WRN: variants seen among roughly 807,000 people sequenced by gnomAD.
The protein encoded by WRN is bifunctional 3'-5' exonuclease/ATP-dependent helicase WRN.
Under a neutral mutation model 180.7 loss-of-function variants are expected in WRN, and 149 were observed. The ratio of observed to expected loss-of-function variants is 0.82; its 90% confidence interval spans 0.72 to 0.94. The LOEUF (loss-of-function observed/expected upper bound fraction) is 0.94. Ranked by LOEUF, WRN falls within the 40% of genes least tolerant of loss-of-function variation. The pLI is 0.00. For missense variants in WRN, 1,661 were observed against 1,700.1 expected (o/e 0.98, Z 0.40); for synonymous variants, 548 against 568.9 (o/e 0.96, Z 0.52).
intron 27 of WRN, 22 bp downstream of exon 27, chr8:31,142,723 C>A: frequency 6.4e-7 from 1 of 1,557,694 alleles, no homozygotes; most frequent in Non-Finnish European, 8.8e-7. Context: ...AGAAATTGTT[C>A]TGATTTATTT....
Position 31,120,308 on chromosome 8 carries a change from T to G in WRN, c.2514T>G (p.His838Gln). 6.2e-7 allele frequency: 1 copy of G among 1,613,108 alleles called. No individual in the cohort carries two copies. The change falls in exon 21 of 35, where the codon CAT becomes CAG. Residue 838 changes from histidine (H) to glutamine (Q), a missense_variant. Physicochemically the swap from His to Gln is conservative, Grantham distance 24. Transcript: ENST00000298139. ...INKADIRQVI[H>Q]YGAPKDMESY... Reference sequence around the variant, plus strand: ...AAGCTGACATTCGCCAAGTCATTCATTACGGTGCTCCTAAGGACATGGAAT... The same window carrying G: ...AAGCTGACATTCGCCAAGTCATTCAGTACGGTGCTCCTAAGGACATGGAAT...
rs121908446 is a variant in WRN, at chr8:31,157,461, C to T, written c.3913C>T (p.Arg1305Ter). 1.2e-5 allele frequency: 20 copies of T among 1,614,052 alleles called. No individual in the cohort carries two copies. The highest frequency in any genetic ancestry group is 1.2e-4 in the Admixed American group (7 of 60,012). The change falls in exon 33 of 35, where the codon CGA becomes TGA. Residue 1305 changes from arginine (R) to a stop codon, truncating the protein, a stop_gained. Transcript: ENST00000298139. LOFTEE classifies it high-confidence loss of function. ...AGCTGGCTGCCCCCTTGATTTGGAG[C>T]GAGCAGGCCTGACTCCAGAGGTTCA... ...VKAGCPLDLE[R>*]AGLTPEVQKI...
rs778753447 is a variant in WRN, at chr8:31,125,127, A to G, written c.2825+127A>G. The G allele has an allele frequency of 3.3e-6, 3 of 902,492 alleles. No individual in the cohort carries two copies. The South Asian group carries it at 4.7e-5, about 14-fold the overall frequency. 55.9% of individuals were successfully genotyped at this position (902,492 alleles called of 1,614,324 possible). On this transcript the variant is annotated intron_variant, in intron 23 of 34. Coordinates refer to ENST00000298139, the MANE Select transcript of WRN (RefSeq NM_000553.6). ...TAAACAAAACAATGAATGTGTTTAG[A>G]TATGAGAAAGCAAACAATATTAAAG...
chr8:31,173,237 C>T lies in WRN; in HGVS notation c.*135C>T. ...ACAAAGTTCACTGTTTATTGAAGAA[C>T]TGGCATCTTAAATCAGCCTTCCGCA... is the stretch of plus-strand genomic sequence containing the variant. On this transcript the variant is annotated 3_prime_UTR_variant, in exon 35 of 35. Transcript: ENST00000298139. 1 of 899,918 alleles carries T rather than the reference C, an allele frequency of 1.1e-6. No individual in the cohort carries two copies. The highest frequency in any genetic ancestry group is 2.7e-5 in the East Asian group (1 of 37,348). The allele number at this position is 899,918 out of a possible 1,614,324, so 55.7% of individuals were successfully genotyped here.
At chr8:31,035,778 A>G (rs771835978) in intron 1 of WRN, among the ~76,000 whole-genome samples, 3 of 152,222 alleles carry the variant, frequency 2.0e-5, no homozygotes, top group Non-Finnish European at 4.4e-5. Flanking sequence ...TCACTCATTT[A>G]AAGTGTGCAA....
At chr8:31,105,354 T>C (rs944648278) in intron 18 of WRN, among the ~76,000 whole-genome samples, 1 of 152,176 alleles carries the variant, frequency 6.6e-6, no homozygotes, top group African/African-American at 2.4e-5. Context: ...CTGTTCCTTC[T>C]CATCTCCCTG....
intron 31 of WRN, among the ~76,000 whole-genome samples, chr8:31,151,455 C>T (rs1803121734): frequency 6.6e-6 from 1 of 152,108 alleles, no homozygotes; most frequent in Admixed American, 6.5e-5. Context: ...TCTTTGGCAA[C>T]TTTGAATTTT....
At chr8:31,086,643 C>G (rs940390471) in intron 11 of WRN, among the ~76,000 whole-genome samples, 1 of 151,708 alleles carries the variant, frequency 6.6e-6, no homozygotes, top group Non-Finnish European at 1.5e-5. Flanking sequence ...CCCAGCTTTT[C>G]CAGTTAGTAT....
At chr8:31,101,110 A>G (rs1454704954) in intron 18 of WRN, among the ~76,000 whole-genome samples, 155 bp downstream of exon 18, 1 of 152,238 alleles carries the variant, frequency 6.6e-6, no homozygotes. Context: ...TAAAGTTGGT[A>G]TATAATCTAT....
chr8:31,166,395 T>G (rs1863280), intron 33 of WRN, among the ~76,000 whole-genome samples: 43,969 of 151,972 alleles, frequency 0.29, 6,497 homozygotes, highest in South Asian at 0.34. Flanking sequence ...TGTCAAGAAA[T>G]TGACACAGTC....
At chr8:31,037,010 T>TG (rs1469104683) in intron 1 of WRN, among the ~76,000 whole-genome samples, 1 of 152,206 alleles carries the variant, frequency 6.6e-6, no homozygotes, top group Non-Finnish European at 1.5e-5. Context: ...AGGGAGGGGA[T>TG]GGTTTCAGGA....
chr8:31,147,884 ATTTTTTT>A (rs367782924), intron 30 of WRN, among the ~76,000 whole-genome samples: 9 of 126,884 alleles, frequency 7.1e-5, no homozygotes, highest in Admixed American at 5.7e-4. Context: ...CTTCTTCTTC[ATTTTTTT>A]TTTTTTTTTT....
At chr8:31,073,409 T>C (rs1812981820) in intron 7 of WRN, among the ~76,000 whole-genome samples, 1 of 152,172 alleles carries the variant, frequency 6.6e-6, no homozygotes, top group Non-Finnish European at 1.5e-5. Flanking sequence ...GATCATCTGA[T>C]CAATGGAAAG....
intron 31 of WRN, among the ~76,000 whole-genome samples, chr8:31,153,363 C>G (rs1332926994): frequency 6.6e-6 from 1 of 151,918 alleles, no homozygotes; most frequent in East Asian, 1.9e-4. Context: ...GTGGGGTGAC[C>G]AGTCTGAATA....
chr8:31,124,652 T>C (rs769598699), intron 22 of WRN, 29 bp downstream of exon 22: 10 of 1,525,188 alleles, frequency 6.6e-6, no homozygotes, highest in Non-Finnish European at 9.1e-6. Context: ...ATGCCAATAG[T>C]ATGGATTTAT....
chr8:31,096,001 A>G (rs1813954498), intron 16 of WRN, among the ~76,000 whole-genome samples: 1 of 152,246 alleles, frequency 6.6e-6, no homozygotes, highest in Admixed American at 6.5e-5. Context: ...ATACCGAAGA[A>G]ACTAGGCATA....
At chr8:31,157,584 C>A in intron 33 of WRN, 54 bp downstream of exon 33, 1 of 1,602,872 alleles carries the variant, frequency 6.2e-7, no homozygotes. Context: ...AGTAAACAAG[C>A]AATCCACTAT....
At chr8:31,085,093 A>G in intron 10 of WRN, 73 bp from the exon 11 acceptor site, 1 of 1,412,332 alleles carries the variant, frequency 7.1e-7, no homozygotes, top group East Asian at 2.3e-5. Flanking sequence ...AGTATATAGG[A>G]GCTTTGTTCT....
At chr8:31,117,943 A>G (rs917371472) in intron 20 of WRN, among the ~76,000 whole-genome samples, 2 of 152,132 alleles carry the variant, frequency 1.3e-5, no homozygotes, top group African/African-American at 4.8e-5. Context: ...ATATTGTCAA[A>G]TGACATTTAT....
Sources: gnomAD v4.1 joint callset for allele counts (sites outside exome capture counted in the v4.1 genomes callset) on GRCh38, gnomAD v4.1.1 for gene constraint, MANE v1.5 for transcripts, NCBI Gene and HGNC (gene_info 2026-07-23, HGNC 2026-07-21) for gene names.